ASMTL: variants seen among roughly 807,000 people sequenced by gnomAD.
ASMTL encodes acetylserotonin O-methyltransferase like.
A neutral mutation model predicts 60.3 loss-of-function variants in ASMTL; 57 were observed. The observed-to-expected ratio is 0.95, with a 90% CI of 0.76 to 1.18. The LOEUF (loss-of-function observed/expected upper bound fraction) is 1.18, where lower values mean the gene tolerates loss of function less well. Among genes scored for constraint, ASMTL ranks in the 50% most tolerant of loss-of-function variants. ASMTL has a pLI of 0.00. For synonymous variants in ASMTL, 419 were observed against 373.0 expected (o/e 1.12, Z -1.42); for missense variants, 981 against 852.6 (o/e 1.15, Z -1.88).
intron 11 of ASMTL, among the ~76,000 whole-genome samples, chrX:1,416,493 A>G (rs2090272144): frequency 6.6e-6 from 1 of 151,910 alleles, no homozygotes; most frequent in African/African-American, 2.4e-5. Flanking sequence ...AGATACAGCG[A>G]CAGGCACACA....
At chrX:1,418,162 A>T in intron 10 of ASMTL, 46 bp from the exon 11 acceptor site, 7 of 1,538,140 alleles carry the variant, frequency 4.6e-6, no homozygotes, top group Non-Finnish European at 6.2e-6. Flanking sequence ...CGTCTATGGA[A>T]CTCTGACGAC....
intron 6 of ASMTL, chrX:1,431,881 AG>A (rs2090799422): frequency 4.6e-6 from 1 of 218,234 alleles, no homozygotes. Context: ...ACGGGACGAC[AG>A]GTAGAATCAC....
At chrX:1,431,544 A>G (rs1455896747) in intron 6 of ASMTL, among the ~76,000 whole-genome samples, 2 of 141,662 alleles carry the variant, frequency 1.4e-5, no homozygotes, top group East Asian at 2.1e-4. Context: ...AAAAGTGTTA[A>G]TATATAATCT....
intron 2 of ASMTL, among the ~76,000 whole-genome samples, chrX:1,440,337 G>A (rs748604537): frequency 4.6e-5 from 7 of 152,104 alleles, no homozygotes; most frequent in South Asian, 4.2e-4. Flanking sequence ...TGATCCGCCC[G>A]CCTCGGCCTC....
At chrX:1,442,417 C>T in intron 1 of ASMTL, 100 bp from the exon 2 acceptor site, 2 of 1,347,232 alleles carry the variant, frequency 1.5e-6, no homozygotes, top group South Asian at 1.3e-5. Context: ...GTTTGCTACA[C>T]TCCCCGACCC....
chrX:1,435,947 G>A (rs1366989456), intron 3 of ASMTL, among the ~76,000 whole-genome samples, 189 bp from the exon 4 acceptor site: 2 of 152,094 alleles, frequency 1.3e-5, no homozygotes, highest in Admixed American at 6.6e-5. Flanking sequence ...GTTCCAGGAT[G>A]TTCTCTTCAC....
Position 1,427,794 on chromosome X carries a change from C to T in ASMTL, c.837G>A (p.Glu279=). ...TAEAECHRTR[E]TLPPFPTRLL... is the part of the protein sequence containing the mutation. Reference sequence around the variant, plus strand: ...GGCGTGTCGGGAACGGAGGCAGGGTCTCCCGAGTCCTGTGACACTCAGCCT... The same window carrying T: ...GGCGTGTCGGGAACGGAGGCAGGGTTTCCCGAGTCCTGTGACACTCAGCCT... The change falls in exon 7 of 13, where the codon GAG becomes GAA. Residue 279 remains glutamate (E), a synonymous_variant. Transcript: ENST00000381317. 3 of 1,612,928 alleles carry T rather than the reference C, an allele frequency of 1.9e-6. No homozygotes were observed. Among genetic ancestry groups the T allele is most frequent in the Non-Finnish European group, 2.5e-6 (3 of 1,179,780 alleles).
chrX:1,419,216 T>TG, intron 9 of ASMTL, 102 bp from the exon 10 acceptor site: 2 of 1,391,766 alleles, frequency 1.4e-6, no homozygotes, highest in Non-Finnish European at 2.0e-6. Flanking sequence ...CTCCAGAGCG[T>TG]GGGGGCTCAG....
intron 2 of ASMTL, among the ~76,000 whole-genome samples, chrX:1,440,817 C>T (rs1313095601): frequency 6.6e-6 from 1 of 152,054 alleles, no homozygotes; most frequent in Non-Finnish European, 1.5e-5. Context: ...AGATAAATGA[C>T]ATAATTCTAC....
chrX:1,411,883 G>C (rs2090041916), intron 12 of ASMTL, among the ~76,000 whole-genome samples: 1 of 143,846 alleles, frequency 7.0e-6, no homozygotes, highest in African/African-American at 2.6e-5. Flanking sequence ...CGCAGTCTCG[G>C]CTCACTGCAA....
chrX:1,448,174 C>T (rs2091270222), intron 1 of ASMTL, among the ~76,000 whole-genome samples: 1 of 151,304 alleles, frequency 6.6e-6, no homozygotes, highest in Admixed American at 6.6e-5. Context: ...CCATCTTGGA[C>T]ACACACCGCC....
chrX:1,410,847 T>A (rs5948997), intron 12 of ASMTL, among the ~76,000 whole-genome samples: 2,661 of 151,412 alleles, frequency 0.018, 87 homozygotes, highest in African/African-American at 0.062. Flanking sequence ...CTGTGACTGC[T>A]CCACTGCACA....
At position 1,421,693 on chromosome X, in the gene ASMTL, T is replaced by G. The variant is rs2090488166; in HGVS notation, c.1210A>C (p.Arg404=). Residue 404 remains arginine (R), a synonymous_variant, in exon 9 of 13, where the codon AGG becomes CGG. Transcript: ENST00000381317. ...TCTTCCGCCTTCTTCCCCAACGCCC[T>G]GTGGTGCTGGTTTGTTCCCTCTCGG... The part of the protein sequence containing the change: ...AIREGTNQHH[R]ALGKKAEDLF... 4 of 1,613,916 alleles carry G rather than the reference T, an allele frequency of 2.5e-6. No homozygotes were observed. Among genetic ancestry groups the G allele is most frequent in the Non-Finnish European group, 3.4e-6 (4 of 1,179,848 alleles).
At chrX:1,432,415 A>G (rs777235761) in intron 5 of ASMTL, 38 bp from the exon 6 acceptor site, 3 of 1,534,034 alleles carry the variant, frequency 2.0e-6, no homozygotes, top group Admixed American at 3.4e-5. Context: ...CGTGGACGCC[A>G]GCTTGTCACC....
upstream of ASMTL, chrX:1,452,992 T>G (rs1603452048): frequency 1.7e-6 from 1 of 575,496 alleles, no homozygotes. Flanking sequence ...AGTCCGCGCC[T>G]TCAGTGGCCT....
chrX:1,410,429 TTC>T (rs1230788741), intron 12 of ASMTL, among the ~76,000 whole-genome samples: 3 of 151,986 alleles, frequency 2.0e-5, no homozygotes, highest in African/African-American at 7.3e-5. Context: ...TTTTTTTTTT[TTC>T]TGAGACGGAG....
chrX:1,425,464 C>G, intron 8 of ASMTL, 61 bp downstream of exon 8: 2 of 1,577,306 alleles, frequency 1.3e-6, no homozygotes, highest in Non-Finnish European at 1.7e-6. Context: ...TCCAGGTCAC[C>G]TTCCCTCAGT....
intron 11 of ASMTL, 106 bp downstream of exon 11, chrX:1,417,867 A>C: frequency 7.0e-7 from 1 of 1,437,950 alleles, no homozygotes; most frequent in Non-Finnish European, 9.3e-7. Flanking sequence ...CCCACCATGG[A>C]AACGCCCAGG....
Position 1,419,549 on chromosome X carries a change from G to A in ASMTL, c.1246-435C>T, listed in dbSNP as rs2090415992. On this transcript the variant is annotated intron_variant, in intron 9 of 12. Coordinates refer to ENST00000381317, the MANE Select transcript of ASMTL (RefSeq NM_004192.4). ...CGGTGTGCAGAGGGGGCTCCTCCGA[G>A]AATTCTGGTGTGCAGAGGAGAAGCT... 2.6e-5 allele frequency among the ~76,000 whole-genome samples: 4 copies of A among 152,112 alleles called. No homozygotes were observed. In the South Asian group the frequency reaches 6.2e-4, roughly 24 times the overall value.
Sources: allele counts gnomAD v4.1 joint callset (sites outside exome capture counted in the v4.1 genomes callset), GRCh38; gene constraint gnomAD v4.1.1; transcripts MANE v1.5; gene names NCBI Gene and HGNC (gene_info 2026-07-23, HGNC 2026-07-21).